BANP: variants seen among roughly 807,000 people sequenced by gnomAD.
The protein encoded by BANP is BTG3 associated nuclear protein.
Under a neutral mutation model 68.1 loss-of-function variants are expected in BANP, and 11 were observed. The observed-to-expected ratio is 0.16, with a 90% CI of 0.10 to 0.27. The LOEUF is 0.27. Among genes scored for constraint, BANP ranks in the 10% least tolerant of loss-of-function variants. The pLI, the probability that BANP is intolerant of heterozygous loss-of-function variation, is 1.00. For missense variants in BANP, 504 were observed against 722.7 expected (o/e 0.70, Z 3.47); for synonymous variants, 329 against 303.2 (o/e 1.09, Z -0.88).
At chr16:88,006,477 T>C (rs1302989700) in intron 6 of BANP, among the ~76,000 whole-genome samples, 5 of 150,686 alleles carry the variant, frequency 3.3e-5, no homozygotes, top group Non-Finnish European at 7.4e-5. Flanking sequence ...AGAAACCCTG[T>C]CTCTACTGAA....
At chr16:87,951,923 G>A (rs766602615) in intron 1 of BANP, among the ~76,000 whole-genome samples, 45 of 152,174 alleles carry the variant, frequency 3.0e-4, no homozygotes, top group Non-Finnish European at 5.4e-4. Context: ...TCCCAAGGGG[G>A]TCGCTCCTGC....
At position 88,003,206 on chromosome 16, in the gene BANP, T is replaced by A. The variant is rs1263076279; in HGVS notation, c.363-1089T>A. Among the ~76,000 whole-genome samples, 1 of 152,240 alleles carries A rather than the reference T, an allele frequency of 6.6e-6. No homozygotes were observed. Among genetic ancestry groups the A allele is most frequent in the Non-Finnish European group, 1.5e-5 (1 of 68,040 alleles). ...TGTCACCAATAACAAGTAGAGGAATTTAAAAAATAATATTTTTGAATGAAA... is the reference window on the plus strand; with the variant it reads ...TGTCACCAATAACAAGTAGAGGAATATAAAAAATAATATTTTTGAATGAAA... On this transcript the variant is annotated intron_variant, in intron 4 of 13. Transcript: ENST00000682872. The surrounding 1 kb of genome is among the most constrained non-coding windows in gnomAD (Gnocchi z 6.1).
At chr16:88,028,711 C>T (rs1047670757) in intron 8 of BANP, among the ~76,000 whole-genome samples, 10 of 152,204 alleles carry the variant, frequency 6.6e-5, no homozygotes, top group African/African-American at 2.2e-4. Context: ...CATGTAGCAG[C>T]GTAACCTGTG....
chr16:87,996,273 T>A (rs962012937), intron 4 of BANP, among the ~76,000 whole-genome samples: 11 of 152,220 alleles, frequency 7.2e-5, no homozygotes, highest in African/African-American at 2.7e-4. Context: ...CCACCTGGCG[T>A]CTCAGCTGCC....
At chr16:88,061,827 G>A (rs1358985009) in intron 11 of BANP, among the ~76,000 whole-genome samples, 1 of 152,018 alleles carries the variant, frequency 6.6e-6, no homozygotes, top group East Asian at 1.9e-4. Context: ...CACCATGCCC[G>A]GCTAATTTTG....
rs2069838870 is a variant in BANP at position 88,002,889 on chromosome 16, G to C, written c.363-1406G>C. On this transcript the variant is annotated intron_variant, in intron 4 of 13. Transcript: ENST00000682872. The surrounding 1 kb of genome is among the most constrained non-coding windows in gnomAD (Gnocchi z 4.6). The stretch of plus-strand genomic sequence containing the variant: ...CGTCCTTCTTCAGTTGCTCATGGGG[G>C]GAGAGAATAAATGCATGTGTGGACA... Among the ~76,000 whole-genome samples the C allele has an allele frequency of 6.6e-6, 1 of 152,178 alleles. No homozygotes were observed. Among genetic ancestry groups the C allele is most frequent in the Admixed American group, 6.5e-5 (1 of 15,270 alleles).
intron 1 of BANP, among the ~76,000 whole-genome samples, chr16:87,960,348 C>G (rs1256073213): frequency 6.6e-6 from 1 of 152,126 alleles, no homozygotes; most frequent in Non-Finnish European, 1.5e-5. Flanking sequence ...TGGGAAGAGC[C>G]ACACTTGAGG....
intron 4 of BANP, among the ~76,000 whole-genome samples, chr16:87,989,882 GTGGGTGA>G: frequency 8.5e-6 from 1 of 117,436 alleles, no homozygotes; most frequent in African/African-American, 3.4e-5. Flanking sequence ...AGGACACAGG[GTGGGTGA>G]CGGGGGATGC....
chr16:88,045,922 C>G (rs1296920145), intron 11 of BANP, among the ~76,000 whole-genome samples: 1 of 152,228 alleles, frequency 6.6e-6, no homozygotes, highest in African/African-American at 2.4e-5. Context: ...GGCAGCAGCA[C>G]CTGCTCAGGA....
At chr16:88,066,420 C>T (rs781686524) in intron 12 of BANP, among the ~76,000 whole-genome samples, 2 of 152,170 alleles carry the variant, frequency 1.3e-5, no homozygotes, top group Non-Finnish European at 2.9e-5. Flanking sequence ...CTGGGTACTG[C>T]GGGCCTGGCC....
rs768066560 is a variant in BANP at position 88,033,195 on chromosome 16, G to T, written c.1150G>T (p.Ala384Ser). ...PQALHYALAN[A>S]QQVQIHQIGE... The stretch of plus-strand genomic sequence containing the variant: ...GGCCCTGCACTACGCGCTGGCCAAC[G>T]CACAGCAGGTGCAGATCCACCAGAT... Residue 384 changes from alanine to serine, a missense_variant, in exon 9 of 14, where the codon GCA (alanine) becomes TCA (serine). Physicochemically the swap from Ala to Ser is moderately conservative, Grantham distance 99. This residue lies in a region of BANP where 223 missense variants were observed against 246.2 expected (regional missense o/e 0.91). Coordinates refer to ENST00000682872, the MANE Select transcript of BANP (RefSeq NM_001386991.1). 2.5e-6 allele frequency: 4 copies of T among 1,610,306 alleles called. No individual in the cohort carries two copies. The highest frequency in any genetic ancestry group is 2.2e-5 in the East Asian group (1 of 44,824).
intron 8 of BANP, among the ~76,000 whole-genome samples, chr16:88,031,648 C>CAA (rs1230300944): frequency 0.016 from 1,721 of 109,442 alleles, 42 homozygotes; most frequent in African/African-American, 0.048. Context: ...GACTCTCTCT[C>CAA]AAAAAAAAAA....
intron 1 of BANP, chr16:87,970,134 A>C (rs1350640789): frequency 6.6e-6 from 1 of 152,084 alleles, no homozygotes; most frequent in Non-Finnish European, 1.5e-5. Context: ...CAGGTGATCC[A>C]CCCGCCTTGG....
At chr16:87,996,389 C>G (rs1387668748) in intron 4 of BANP, among the ~76,000 whole-genome samples, 1 of 152,216 alleles carries the variant, frequency 6.6e-6, no homozygotes, top group Non-Finnish European at 1.5e-5. Flanking sequence ...CTCTGAAGTG[C>G]CGGCTGGGCC....
At chr16:88,048,594 A>G (rs1213417793) in intron 11 of BANP, among the ~76,000 whole-genome samples, 2 of 152,024 alleles carry the variant, frequency 1.3e-5, no homozygotes, top group East Asian at 1.9e-4. Context: ...CATCGATTCT[A>G]ACAGTGTTCT....
At chr16:88,059,307 C>T (rs960166143) in intron 11 of BANP, among the ~76,000 whole-genome samples, 2 of 151,806 alleles carry the variant, frequency 1.3e-5, no homozygotes, top group Middle Eastern at 3.2e-3. Context: ...CCTTCCCTCT[C>T]GGCAGTGCTT....
At chr16:88,013,539 C>T (rs886574718) in intron 6 of BANP, among the ~76,000 whole-genome samples, 6 of 152,184 alleles carry the variant, frequency 3.9e-5, no homozygotes, top group African/African-American at 9.7e-5. Context: ...CCTGATGGGA[C>T]GGGCTCTCTC....
intron 13 of BANP, among the ~76,000 whole-genome samples, chr16:88,074,715 C>T (rs1328110841): frequency 6.6e-6 from 1 of 152,108 alleles, no homozygotes; most frequent in Non-Finnish European, 1.5e-5. Context: ...CTCCCATGGC[C>T]TTCAGCCACC....
rs902606286 is a variant in BANP at position 88,018,304 on chromosome 16, G to A, written c.656-124G>A. On this transcript the variant is annotated intron_variant, in intron 6 of 13. Transcript: ENST00000682872. The surrounding 1 kb of genome is among the most constrained non-coding windows in gnomAD (Gnocchi z 7.7). ...TCTTGGTGACTGCCTCACAAGTTAC[G>A]AGGGATTTGCCCAGCCCTGCGTGGA... The A allele has an allele frequency of 1.8e-5, 23 of 1,254,734 alleles. No homozygotes were observed. In the East Asian group the frequency reaches 2.8e-4, roughly 15 times the overall value. 77.7% of individuals were successfully genotyped at this position (1,254,734 alleles called of 1,614,324 possible).
Sources: allele counts gnomAD v4.1 joint callset (sites outside exome capture counted in the v4.1 genomes callset), GRCh38; gene constraint gnomAD v4.1.1; regional missense constraint gnomAD v4.1.1; non-coding constraint Gnocchi (gnomAD v3.1); transcripts MANE v1.5; gene names NCBI Gene and HGNC (gene_info 2026-07-23, HGNC 2026-07-21).